COL22A1: variants seen among roughly 807,000 people sequenced by gnomAD.
COL22A1 encodes the protein collagen type XXII alpha 1 chain.
COL22A1 carries 221 observed loss-of-function variants against 248.9 expected under a neutral mutation model. That is an observed-to-expected ratio of 0.89 (90% CI 0.80 to 0.99). The LOEUF (loss-of-function observed/expected upper bound fraction) is 0.99. COL22A1 is among the 50% of genes least tolerant of loss of function. The pLI is 0.00. For missense variants in COL22A1, 2,240 were observed against 2,179.0 expected (o/e 1.03, Z -0.56); for synonymous variants, 891 against 793.4 (o/e 1.12, Z -2.07).
rs138468924 is a variant in COL22A1, at chr8:138,729,510, A to G, written c.2140-4070T>C. ...AAAGAGAGGGAAAGCCTACCCAGTC[A>G]TTAAACCTAGCAACTGCCGTAGCCA... is the stretch of plus-strand genomic sequence containing the variant. On this transcript the variant is annotated intron_variant, in intron 23 of 64. Coordinates refer to ENST00000303045, the MANE Select transcript of COL22A1 (RefSeq NM_152888.3). Among the ~76,000 whole-genome samples, 10 of 152,340 alleles carry G rather than the reference A, an allele frequency of 6.6e-5. No individual in the cohort carries two copies. The East Asian group carries it at 1.2e-3, about 18-fold the overall frequency.
At chr8:138,874,538 G>A (rs987785126) in intron 3 of COL22A1, among the ~76,000 whole-genome samples, 11 of 152,114 alleles carry the variant, frequency 7.2e-5, no homozygotes, top group African/African-American at 2.4e-4. Flanking sequence ...ATGACCTACT[G>A]TAGTCCAGTG....
intron 45 of COL22A1, among the ~76,000 whole-genome samples, chr8:138,651,441 C>A (rs1822729713): frequency 6.6e-6 from 1 of 152,190 alleles, no homozygotes; most frequent in African/African-American, 2.4e-5. Flanking sequence ...ACCGATCAAC[C>A]AATTAACTGT....
intron 16 of COL22A1, among the ~76,000 whole-genome samples, chr8:138,775,676 GA>G (rs947224681): frequency 2.6e-5 from 4 of 152,120 alleles, no homozygotes; most frequent in African/African-American, 9.7e-5. Context: ...GTCTGGTCTG[GA>G]AACCCTAAAC....
chr8:138,761,179 C>G (rs1833460210), intron 17 of COL22A1, among the ~76,000 whole-genome samples: 1 of 152,184 alleles, frequency 6.6e-6, no homozygotes, highest in Non-Finnish European at 1.5e-5. Flanking sequence ...GGTCTGTGTG[C>G]TGGGTTATTG....
rs112085923 is a variant in COL22A1 at position 138,784,036 on chromosome 8, G to A, written c.1597-3056C>T. 6.9e-3 allele frequency among the ~76,000 whole-genome samples: 1,047 copies of A among 152,300 alleles called. 10 individuals carry two copies. The highest frequency in any genetic ancestry group is 0.024 in the African/African-American group (1,002 of 41,568). On this transcript the variant is annotated intron_variant, in intron 12 of 64. Coordinates refer to ENST00000303045, the MANE Select transcript of COL22A1 (RefSeq NM_152888.3). ...GTCCAAGACAAAATGAACAAGGGCTGTTCATTCTTAAACTTGTGATGGAGA... is the reference window on the plus strand; with the variant it reads ...GTCCAAGACAAAATGAACAAGGGCTATTCATTCTTAAACTTGTGATGGAGA...
intron 47 of COL22A1, among the ~76,000 whole-genome samples, chr8:138,639,356 C>T (rs544519487): frequency 8.2e-4 from 125 of 152,268 alleles, no homozygotes; most frequent in Non-Finnish European, 1.3e-3. Flanking sequence ...GAACATGATG[C>T]CTTATCCAAC....
At chr8:138,715,193 T>C (rs4255177) in intron 30 of COL22A1, among the ~76,000 whole-genome samples, 45,466 of 152,114 alleles carry the variant, frequency 0.3, 7,093 homozygotes, top group Non-Finnish European at 0.35. Context: ...TTGAGGTTTA[T>C]GTCTAGCGTA....
intron 5 of COL22A1, chr8:138,827,280 A>G (rs759023965): frequency 6.2e-6 from 1 of 161,718 alleles, no homozygotes; most frequent in Non-Finnish European, 1.4e-5. Flanking sequence ...TGATGGTAAC[A>G]GCAGATGGGG....
chr8:138,878,790 G>C (rs543809665), intron 2 of COL22A1, among the ~76,000 whole-genome samples: 1 of 152,008 alleles, frequency 6.6e-6, no homozygotes, highest in Admixed American at 6.6e-5. Context: ...GGTGGATCAC[G>C]AGGTCAGGAG....
At chr8:138,844,190 GA>G (rs1207225095) in intron 3 of COL22A1, 32 bp from the exon 4 acceptor site, 2 of 1,597,304 alleles carry the variant, frequency 1.3e-6, no homozygotes, top group East Asian at 2.2e-5. Flanking sequence ...AGAGACTGAT[GA>G]GAAAATGTGA....
chr8:138,634,860 T>TG (rs777213289), intron 49 of COL22A1, 150 bp downstream of exon 49: 47 of 676,892 alleles, frequency 6.9e-5, no homozygotes, highest in Non-Finnish European at 1.1e-4. Context: ...CTGTGGGACT[T>TG]GCATTTTTAG....
chr8:138,662,526 T>G (rs11166834), intron 42 of COL22A1, among the ~76,000 whole-genome samples: 85,081 of 152,028 alleles, frequency 0.56, 25,707 homozygotes, highest in East Asian at 0.69. Flanking sequence ...CAACTCTTTG[T>G]AAGAAAATAA....
chr8:138,621,830 G>A (rs1819829615), intron 52 of COL22A1, among the ~76,000 whole-genome samples: 1 of 152,220 alleles, frequency 6.6e-6, no homozygotes, highest in Non-Finnish European at 1.5e-5. Flanking sequence ...AGTGTGATAT[G>A]TGTGCTTCTC....
At chr8:138,689,585 C>T (rs565803868) in intron 36 of COL22A1, among the ~76,000 whole-genome samples, 3 of 152,202 alleles carry the variant, frequency 2.0e-5, no homozygotes, top group East Asian at 1.9e-4. Context: ...CATGGAGGCA[C>T]GCCCCTGTAA....
intron 45 of COL22A1, among the ~76,000 whole-genome samples, chr8:138,654,284 A>G (rs1392962455): frequency 6.6e-6 from 1 of 152,198 alleles, no homozygotes; most frequent in East Asian, 1.9e-4. Context: ...GATTGAATCA[A>G]TAGGTAATGA....
intron 60 of COL22A1, 37 bp downstream of exon 60, chr8:138,602,078 G>A (rs772732964): frequency 1.4e-5 from 22 of 1,613,006 alleles, no homozygotes; most frequent in East Asian, 6.7e-5. Context: ...CAAAGGTCGC[G>A]TTCGGCGTGT....
At chr8:138,627,495 C>G (rs907664004) in intron 50 of COL22A1, among the ~76,000 whole-genome samples, 1 of 152,214 alleles carries the variant, frequency 6.6e-6, no homozygotes, top group African/African-American at 2.4e-5. Context: ...AGAGCATGGT[C>G]CCATAATAAG....
chr8:138,619,359 C>A (rs769637004), intron 53 of COL22A1, 96 bp downstream of exon 53: 2 of 1,095,646 alleles, frequency 1.8e-6, no homozygotes, highest in Admixed American at 1.9e-5. Context: ...TAGGACCCCA[C>A]GGTTGGGCAG....
chr8:138,695,409 T>C (rs1490867594), intron 32 of COL22A1, among the ~76,000 whole-genome samples: 1 of 152,064 alleles, frequency 6.6e-6, no homozygotes, highest in Non-Finnish European at 1.5e-5. Context: ...GCCCAGACCT[T>C]TCTTGAAATC....
Sources: gnomAD v4.1 joint callset for allele counts (sites outside exome capture counted in the v4.1 genomes callset) on GRCh38, gnomAD v4.1.1 for gene constraint, MANE v1.5 for transcripts, NCBI Gene and HGNC (gene_info 2026-07-23, HGNC 2026-07-21) for gene names.